Variants in ZRANB1 observed in about 807,000 individuals in gnomAD.
ZRANB1 encodes the protein zinc finger RANBP2-type containing 1, also known as ubiquitin thioesterase ZRANB1.
Under a neutral mutation model 80.5 loss-of-function variants are expected in ZRANB1, and 16 were observed. The ratio of observed to expected loss-of-function variants is 0.20; its 90% CI spans 0.13 to 0.30. The LOEUF is 0.30. Among genes scored for constraint, ZRANB1 ranks in the 10% least tolerant of loss-of-function variants. ZRANB1 has a pLI of 1.00. For synonymous variants in ZRANB1, 291 were observed against 293.1 expected, an observed-to-expected ratio of 0.99 and a Z score of 0.07; for missense variants, 576 against 862.6, an observed-to-expected ratio of 0.67 and a Z score of 4.16.
At chr10:124,969,699 A>G (rs1468339600) in intron 2 of ZRANB1, among the ~76,000 whole-genome samples, 4 of 152,254 alleles carry the variant, frequency 2.6e-5, no homozygotes, top group Non-Finnish European at 5.9e-5. Context: ...TTTGTGATAT[A>G]TAAGAAAATA....
At chr10:124,958,318 G>A (rs1951703347) in intron 1 of ZRANB1, among the ~76,000 whole-genome samples, 1 of 152,196 alleles carries the variant, frequency 6.6e-6, no homozygotes, top group South Asian at 2.1e-4. Flanking sequence ...ATGTGAGGCT[G>A]AGGTGGGAGG....
the ZRANB1 span, among the ~76,000 whole-genome samples, chr10:124,922,802 A>G: frequency 9.2e-5 from 14 of 151,890 alleles, no homozygotes; most frequent in African/African-American, 3.4e-4. Context: ...TGCCTGGCTA[A>G]TTTTTGTATT....
intron 5 of ZRANB1, 56 bp from the exon 6 acceptor site, chr10:124,981,653 A>C: frequency 2.1e-6 from 3 of 1,446,106 alleles, no homozygotes; most frequent in Non-Finnish European, 2.8e-6. Context: ...CAGAACTTTA[A>C]ATGTTTTATT....
chr10:124,918,229 T>A, the ZRANB1 span, among the ~76,000 whole-genome samples: 2 of 152,182 alleles, frequency 1.3e-5, no homozygotes, highest in African/African-American at 4.8e-5. Context: ...TCCCCCTTGT[T>A]ACCCAGGCTG....
chr10:124,933,139 T>C, the ZRANB1 span, among the ~76,000 whole-genome samples: 52 of 5,574 alleles, frequency 9.3e-3, no homozygotes, highest in Admixed American at 0.049. Context: ...CTTTTCTTTC[T>C]TTTTTTTTTT....
the ZRANB1 span, among the ~76,000 whole-genome samples, chr10:124,925,703 T>G: frequency 6.6e-6 from 1 of 152,216 alleles, no homozygotes; most frequent in Non-Finnish European, 1.5e-5. Flanking sequence ...CAAATTTAGG[T>G]CTCTGATCAT....
chr10:124,945,154 C>T (rs1012677910), intron 1 of ZRANB1: 3 of 152,196 alleles, frequency 2.0e-5, no homozygotes, highest in Non-Finnish European at 2.9e-5. Flanking sequence ...AGTGCATTCA[C>T]ATTGTGTAAC....
At chr10:124,937,606 T>C (rs1340946108), upstream of ZRANB1, among the ~76,000 whole-genome samples, 1 of 152,216 alleles carries the variant, frequency 6.6e-6, no homozygotes, top group Non-Finnish European at 1.5e-5. Flanking sequence ...GTACAGTGTT[T>C]AGTAATGCTT....
the ZRANB1 span, among the ~76,000 whole-genome samples, chr10:124,918,819 T>A: frequency 2.0e-5 from 3 of 152,376 alleles, no homozygotes; most frequent in East Asian, 5.8e-4. Context: ...GCAGTCTCTT[T>A]ATACTAAAAT....
the ZRANB1 span, among the ~76,000 whole-genome samples, chr10:124,929,033 G>C: frequency 6.6e-6 from 1 of 152,184 alleles, no homozygotes; most frequent in African/African-American, 2.4e-5. Flanking sequence ...TCTGTGTAAG[G>C]ATGGTGGATA....
chr10:124,948,593 T>G (rs925916002), intron 1 of ZRANB1, among the ~76,000 whole-genome samples: 2 of 152,216 alleles, frequency 1.3e-5, no homozygotes, highest in South Asian at 2.1e-4. Flanking sequence ...CACCTTCGCT[T>G]CTTTTCTCAT....
At chr10:124,927,235 G>A in the ZRANB1 span, among the ~76,000 whole-genome samples, 3 of 152,204 alleles carry the variant, frequency 2.0e-5, no homozygotes, top group Non-Finnish European at 2.9e-5. Context: ...GATTACAGGC[G>A]TGAGCCACCG....
Position 124,944,445 on chromosome 10 carries a change from A to G in ZRANB1, c.814+1138A>G, listed in dbSNP as rs900095697. Among the ~76,000 whole-genome samples the G allele has an allele frequency of 7.9e-5, 12 of 151,388 alleles. No individual in the cohort carries two copies. In the South Asian group the frequency reaches 2.5e-3, roughly 32 times the overall value. On this transcript the variant is annotated intron_variant, in intron 1 of 8. Transcript: ENST00000359653. ...CTGTGAGTCCTAGGAATTGATTTCC[A>G]AGAAATCGTGAGTTTTAAAATTAAA...
chr10:124,981,651 T>A, intron 5 of ZRANB1, 58 bp from the exon 6 acceptor site: 1 of 1,442,206 alleles, frequency 6.9e-7, no homozygotes, highest in South Asian at 1.3e-5. Flanking sequence ...ATCAGAACTT[T>A]AAATGTTTTA....
At chr10:124,966,425 A>G (rs908328696) in intron 1 of ZRANB1, among the ~76,000 whole-genome samples, 169 bp from the exon 2 acceptor site, 6 of 152,206 alleles carry the variant, frequency 3.9e-5, no homozygotes, top group Non-Finnish European at 8.8e-5. Flanking sequence ...AAATTTTTAA[A>G]GGGAAAGGAA....
intron 3 of ZRANB1, among the ~76,000 whole-genome samples, chr10:124,972,699 AT>A (rs1951837345): frequency 6.6e-6 from 1 of 152,062 alleles, no homozygotes; most frequent in Non-Finnish European, 1.5e-5. Flanking sequence ...GTCAGTTGGC[AT>A]TGAATAAATA....
intron 5 of ZRANB1, among the ~76,000 whole-genome samples, chr10:124,980,392 A>G (rs1054676865): frequency 6.6e-6 from 1 of 152,176 alleles, no homozygotes; most frequent in Non-Finnish European, 1.5e-5. Context: ...TGCAATCACC[A>G]TTGAATTTCT....
At chr10:124,960,988 GT>G (rs1400637384) in intron 1 of ZRANB1, among the ~76,000 whole-genome samples, 2 of 151,456 alleles carry the variant, frequency 1.3e-5, no homozygotes, top group African/African-American at 2.4e-5. Flanking sequence ...GAACCTAAGA[GT>G]TTTTGTTTTG....
chr10:124,968,359 G>A (rs1355260076), intron 2 of ZRANB1, among the ~76,000 whole-genome samples: 1 of 152,116 alleles, frequency 6.6e-6, no homozygotes, highest in African/African-American at 2.4e-5. Flanking sequence ...CACTGTATGG[G>A]GATTAAAAAA....
Sources: allele counts gnomAD v4.1 joint callset (sites outside exome capture counted in the v4.1 genomes callset), GRCh38; gene constraint gnomAD v4.1.1; transcripts MANE v1.5; gene names NCBI Gene and HGNC (gene_info 2026-07-23, HGNC 2026-07-21).